The following KCNH7 variants were observed in gnomAD, a reference collection of about 807,000 sequenced individuals.
KCNH7 encodes the protein potassium voltage-gated channel subfamily H member 7, also known as voltage-gated inwardly rectifying potassium channel KCNH7.
Under a neutral mutation model 120.8 loss-of-function variants are expected in KCNH7, and 49 were observed. The observed-to-expected ratio is 0.41, with a 90% CI of 0.32 to 0.51. KCNH7 has a LOEUF of 0.51. Ranked by LOEUF, KCNH7 falls within the 20% of genes least tolerant of loss-of-function variation. The pLI, the probability that KCNH7 is intolerant of heterozygous loss-of-function variation, is 0.38. For missense variants in KCNH7, 1,097 were observed against 1,446.6 expected (o/e 0.76, Z 3.92); for synonymous variants, 547 against 516.1 (o/e 1.06, Z -0.81).
At chr2:162,769,710 C>A (rs1430305362) in intron 2 of KCNH7, among the ~76,000 whole-genome samples, 1 of 151,676 alleles carries the variant, frequency 6.6e-6, no homozygotes, top group African/African-American at 2.4e-5. Context: ...AAAATACATG[C>A]ATATGTGCAC....
intron 2 of KCNH7, among the ~76,000 whole-genome samples, chr2:162,652,546 C>A (rs1684603316): frequency 6.6e-6 from 1 of 152,218 alleles, no homozygotes; most frequent in Non-Finnish European, 1.5e-5. Flanking sequence ...ACCTGGATCC[C>A]TTACATGTGC....
intron 2 of KCNH7, among the ~76,000 whole-genome samples, chr2:162,812,297 G>C (rs1406886283): frequency 9.9e-5 from 15 of 152,028 alleles, no homozygotes. Context: ...TGAGATATTA[G>C]ACTAGCAGTT....
intron 2 of KCNH7, among the ~76,000 whole-genome samples, chr2:162,547,134 C>T (rs536908071): frequency 6.6e-5 from 10 of 152,132 alleles, no homozygotes; most frequent in African/African-American, 1.7e-4. Flanking sequence ...CGTGTGTCAG[C>T]GGAGGAAAAC....
intron 7 of KCNH7, among the ~76,000 whole-genome samples, chr2:162,438,381 G>A (rs561359784): frequency 3.4e-4 from 52 of 152,174 alleles, no homozygotes; most frequent in African/African-American, 1.2e-3. Flanking sequence ...ATGACAGTAA[G>A]TTCTCTAAGC....
At chr2:162,497,804 C>G (rs1690545038) in intron 6 of KCNH7, among the ~76,000 whole-genome samples, 1 of 152,042 alleles carries the variant, frequency 6.6e-6, no homozygotes, top group South Asian at 2.1e-4. Context: ...TCCACTAAAC[C>G]ATTTACCACT....
At chr2:162,603,438 G>A (rs987414799) in intron 2 of KCNH7, among the ~76,000 whole-genome samples, 1 of 151,996 alleles carries the variant, frequency 6.6e-6, no homozygotes, top group Non-Finnish European at 1.5e-5. Context: ...TTTATTATAT[G>A]GCAAAGCATT....
intron 6 of KCNH7, among the ~76,000 whole-genome samples, chr2:162,489,799 C>G (rs1372249757): frequency 3.9e-5 from 6 of 152,138 alleles, no homozygotes. Context: ...ATAGGAATTT[C>G]TGTTTTGCTG....
chr2:162,779,707 T>C (rs554157275), intron 2 of KCNH7, among the ~76,000 whole-genome samples: 1 of 152,290 alleles, frequency 6.6e-6, no homozygotes, highest in East Asian at 1.9e-4. Context: ...CTGTCTTGGG[T>C]TGATAACGTC....
chr2:162,394,863 G>A (rs1487285133), intron 11 of KCNH7, among the ~76,000 whole-genome samples: 1 of 151,732 alleles, frequency 6.6e-6, no homozygotes, highest in African/African-American at 2.4e-5. Flanking sequence ...TAACTGTGCA[G>A]GTTCACTTAT....
At chr2:162,562,875 A>C (rs1315870500) in intron 2 of KCNH7, among the ~76,000 whole-genome samples, 1 of 152,158 alleles carries the variant, frequency 6.6e-6, no homozygotes, top group East Asian at 1.9e-4. Context: ...TGGGTGCCAC[A>C]CTTGCGTCCC....
intron 2 of KCNH7, among the ~76,000 whole-genome samples, chr2:162,792,892 T>C (rs1684006846): frequency 6.6e-6 from 1 of 151,742 alleles, no homozygotes; most frequent in African/African-American, 2.4e-5. Context: ...AGTTGTCTAG[T>C]TCTTTCAGTT....
chr2:162,527,218 C>G (rs902318269), intron 3 of KCNH7, among the ~76,000 whole-genome samples: 1 of 151,804 alleles, frequency 6.6e-6, no homozygotes, highest in Non-Finnish European at 1.5e-5. Flanking sequence ...TTTTCTATGT[C>G]AAATTTAATC....
At chr2:162,776,656 C>G (rs1039997086) in intron 2 of KCNH7, among the ~76,000 whole-genome samples, 11 of 152,126 alleles carry the variant, frequency 7.2e-5, no homozygotes, top group African/African-American at 1.4e-4. Context: ...GTAGCTCAGT[C>G]TAGGACTTTA....
intron 2 of KCNH7, among the ~76,000 whole-genome samples, chr2:162,665,965 C>A (rs956201765): frequency 1.3e-5 from 2 of 152,176 alleles, no homozygotes; most frequent in Non-Finnish European, 2.9e-5. Flanking sequence ...ACACATATAA[C>A]ACTGATAGCG....
chr2:162,378,793 TG>T (rs1686305435), intron 14 of KCNH7, among the ~76,000 whole-genome samples: 1 of 152,200 alleles, frequency 6.6e-6, no homozygotes, highest in African/African-American at 2.4e-5. Flanking sequence ...ATGAAACACA[TG>T]GCTGTTGAGC....
Position 162,494,141 on chromosome 2 carries a change from G to T in KCNH7, c.1128+10302C>A, listed in dbSNP as rs115562947. On this transcript the variant is annotated intron_variant, in intron 6 of 15. Transcript: ENST00000332142. The stretch of plus-strand genomic sequence containing the variant: ...AAGGTTTCATTTAAAAATTGGGGTT[G>T]ATATTAATAGTAGACTAATGCAAGG... Among the ~76,000 whole-genome samples, 1,197 of 152,232 alleles carry T rather than the reference G, an allele frequency of 7.9e-3. 19 individuals carry two copies. Among genetic ancestry groups the T allele is most frequent in the African/African-American group, 0.028 (1,148 of 41,552 alleles).
chr2:162,763,441 A>T (rs1292395624), intron 2 of KCNH7, among the ~76,000 whole-genome samples: 1 of 152,122 alleles, frequency 6.6e-6, no homozygotes, highest in Non-Finnish European at 1.5e-5. Context: ...ACTATCTGAA[A>T]CTGCCAATTA....
chr2:162,726,948 G>T (rs1439798573), intron 2 of KCNH7, among the ~76,000 whole-genome samples: 1 of 152,170 alleles, frequency 6.6e-6, no homozygotes, highest in Non-Finnish European at 1.5e-5. Context: ...GAACTACAAT[G>T]TAATTATTGG....
chr2:162,810,391 A>G (rs1684697178), intron 2 of KCNH7, among the ~76,000 whole-genome samples: 1 of 152,208 alleles, frequency 6.6e-6, no homozygotes, highest in South Asian at 2.1e-4. Flanking sequence ...GTGAATGAAG[A>G]TAAGGACTGG....
Sources: allele counts gnomAD v4.1 joint callset (sites outside exome capture counted in the v4.1 genomes callset), GRCh38; gene constraint gnomAD v4.1.1; transcripts MANE v1.5; gene names NCBI Gene and HGNC (gene_info 2026-07-23, HGNC 2026-07-21).